The following ALDH1A2 variants were observed in gnomAD, a reference collection of about 807,000 sequenced individuals.
ALDH1A2 encodes the protein aldehyde dehydrogenase 1 family member A2.
In ALDH1A2, 27 loss-of-function variants were observed where a neutral mutation model predicts 60.3. The ratio of observed to expected loss-of-function variants is 0.45; its 90% CI spans 0.33 to 0.62. ALDH1A2 has a LOEUF of 0.62. Among genes scored for constraint, ALDH1A2 ranks in the 20% least tolerant of loss-of-function variants. The pLI, the probability that ALDH1A2 is intolerant of heterozygous loss-of-function variation, is 0.02. For missense variants in ALDH1A2, 581 were observed against 643.8 expected, an observed-to-expected ratio of 0.90 and a Z score of 1.06; for synonymous variants, 289 against 232.4, an observed-to-expected ratio of 1.24 and a Z score of -2.21.
intron 1 of ALDH1A2, among the ~76,000 whole-genome samples, chr15:58,026,502 T>C (rs1435942818): frequency 3.9e-5 from 6 of 152,070 alleles, no homozygotes; most frequent in Non-Finnish European, 8.8e-5. Context: ...CCCGGTTCAT[T>C]TCACTGGGAC....
intron 7 of ALDH1A2, among the ~76,000 whole-genome samples, chr15:57,977,048 G>A (rs993601797): frequency 6.7e-5 from 10 of 150,274 alleles, no homozygotes; most frequent in African/African-American, 9.8e-5. Context: ...TAACGGCCAC[G>A]TCTTCTTTTG....
chr15:58,028,508 A>C (rs1294109600), intron 1 of ALDH1A2, among the ~76,000 whole-genome samples: 1 of 152,222 alleles, frequency 6.6e-6, no homozygotes, highest in African/African-American at 2.4e-5. Context: ...GGGCAAAATA[A>C]CCAACTAACA....
chr15:58,035,157 T>A (rs1253751770), intron 1 of ALDH1A2, among the ~76,000 whole-genome samples: 1 of 151,636 alleles, frequency 6.6e-6, no homozygotes, highest in Non-Finnish European at 1.5e-5. Context: ...TATTCATACA[T>A]ATTTCTCTTT....
At chr15:57,993,888 C>CA (rs560670979) in intron 5 of ALDH1A2, among the ~76,000 whole-genome samples, 55 of 152,338 alleles carry the variant, frequency 3.6e-4, no homozygotes, top group Non-Finnish European at 6.0e-4. Flanking sequence ...TGCCATCCTT[C>CA]AAGGCTTCTC....
intron 8 of ALDH1A2, chr15:57,964,301 C>G (rs1419876564): frequency 1.8e-6 from 1 of 542,128 alleles, no homozygotes; most frequent in African/African-American, 1.9e-5. Context: ...AACAGAGGTA[C>G]TGAACCTCGT....
In ALDH1A2 at chr15:57,963,963, A is replaced by C. The variant is rs770934217; in HGVS notation, c.1008T>G (p.Phe336Leu). 2.5e-6 allele frequency: 4 copies of C among 1,614,132 alleles called. No individual in the cohort carries two copies. The highest frequency in any genetic ancestry group is 3.3e-5 in the Admixed American group (2 of 60,028). ...TGGCCCGCTCCACGCTTCTTCTCAC[A>C]AACTCCTCATAGATGGACTCCTCCA... ...IFVEESIYEEFVRRSVERAKR... is the reference protein window; with the variant it reads ...IFVEESIYEELVRRSVERAKR... Residue 336 changes from phenylalanine to leucine, a missense_variant, in exon 9 of 13, where the codon TTT (phenylalanine) becomes TTG (leucine). By Grantham distance (22) the Phe-to-Leu change is conservative. Coordinates refer to ENST00000249750, the MANE Select transcript of ALDH1A2 (RefSeq NM_003888.4).
chr15:58,010,614 C>T (rs781471547), intron 4 of ALDH1A2, 35 bp downstream of exon 4: 10 of 1,610,094 alleles, frequency 6.2e-6, no homozygotes, highest in South Asian at 4.4e-5. Flanking sequence ...GGTGGTTTCA[C>T]GTTTTCCTTT....
chr15:57,988,069 A>G (rs1388858830), intron 7 of ALDH1A2, among the ~76,000 whole-genome samples: 1 of 152,236 alleles, frequency 6.6e-6, no homozygotes, highest in South Asian at 2.1e-4. Context: ...AATAGCAAGT[A>G]TGTGAGTAAA....
intron 7 of ALDH1A2, among the ~76,000 whole-genome samples, chr15:57,985,952 C>T (rs1393488940): frequency 2.6e-5 from 4 of 152,120 alleles, no homozygotes; most frequent in Non-Finnish European, 4.4e-5. Context: ...TCCAGTATGT[C>T]CTTATGGTTG....
At chr15:58,022,375 T>G (rs1469678243) in intron 1 of ALDH1A2, among the ~76,000 whole-genome samples, 2 of 152,120 alleles carry the variant, frequency 1.3e-5, no homozygotes, top group African/African-American at 2.4e-5. Context: ...GAGACTTGCC[T>G]GTCCAGCACA....
chr15:58,020,563 A>T (rs1895898376), intron 1 of ALDH1A2, among the ~76,000 whole-genome samples: 2 of 152,228 alleles, frequency 1.3e-5, no homozygotes, highest in African/African-American at 4.8e-5. Context: ...CCATGAACAC[A>T]TCATTCAAGC....
intron 10 of ALDH1A2, 84 bp from the exon 11 acceptor site, chr15:57,961,378 C>CTTGA: frequency 1.3e-6 from 2 of 1,491,442 alleles, no homozygotes; most frequent in Non-Finnish European, 1.8e-6. Context: ...TTTACTCTGC[C>CTTGA]TTGATTACTT....
chr15:58,026,230 A>G (rs1361734226), intron 1 of ALDH1A2, among the ~76,000 whole-genome samples: 4 of 152,218 alleles, frequency 2.6e-5, no homozygotes, highest in Non-Finnish European at 4.4e-5. Context: ...ATAACACACT[A>G]TGATAAAGTA....
chr15:57,961,974 G>A, intron 10 of ALDH1A2, 38 bp downstream of exon 10: 1 of 1,612,790 alleles, frequency 6.2e-7, no homozygotes, highest in Non-Finnish European at 8.5e-7. Context: ...ATGATCCCAA[G>A]AAAGATGTGG....
At position 58,004,348 on chromosome 15, in the gene ALDH1A2, C is replaced by A. The variant is rs947437543; in HGVS notation, c.493+6301G>T. Reference sequence around the variant, plus strand: ...AATGCAATTTTTCAAATAGATTCAACGGGTTTATGTGCAGATTTGTTACAT... The same window carrying A: ...AATGCAATTTTTCAAATAGATTCAAAGGGTTTATGTGCAGATTTGTTACAT... On this transcript the variant is annotated intron_variant, in intron 4 of 12. Transcript: ENST00000249750. Among the ~76,000 whole-genome samples, 47 of 151,782 alleles carry A rather than the reference C, an allele frequency of 3.1e-4. 1 individual carries two copies. The highest frequency in any genetic ancestry group is 3.1e-3 in the Admixed American group (47 of 15,202).
intron 1 of ALDH1A2, among the ~76,000 whole-genome samples, chr15:58,055,157 T>C (rs1415638794): frequency 1.3e-5 from 2 of 152,058 alleles, no homozygotes; most frequent in Non-Finnish European, 2.9e-5. Flanking sequence ...GGAGGAGTAT[T>C]GAGTCCTGGA....
Position 57,992,692 on chromosome 15 carries a change from T to C in ALDH1A2, c.798+13A>G. The C allele has an allele frequency of 1.2e-6, 2 of 1,612,386 alleles. No individual in the cohort carries two copies. The highest frequency in any genetic ancestry group is 1.7e-6 in the Non-Finnish European group (2 of 1,178,414). On this transcript the variant is annotated intron_variant, in intron 7 of 12. Transcript: ENST00000249750. ...AAGACTGTTCCTCAAGCCCTGGTTT[T>C]TCAGATACCTACCTCAGTAGACCCT...
chr15:58,058,595 A>T (rs1896952236), intron 1 of ALDH1A2, among the ~76,000 whole-genome samples: 2 of 152,192 alleles, frequency 1.3e-5, no homozygotes, highest in African/African-American at 2.4e-5. Flanking sequence ...AAAAATGTAT[A>T]ATCAAGATTG....
intron 4 of ALDH1A2, among the ~76,000 whole-genome samples, chr15:57,996,575 C>A (rs924037204): frequency 2.7e-5 from 4 of 148,088 alleles, no homozygotes; most frequent in Admixed American, 6.9e-5. Context: ...GCTCAATAAA[C>A]AATGTTACTA....
Sources: allele counts gnomAD v4.1 joint callset (sites outside exome capture counted in the v4.1 genomes callset), GRCh38; gene constraint gnomAD v4.1.1; transcripts MANE v1.5; gene names NCBI Gene and HGNC (gene_info 2026-07-23, HGNC 2026-07-21).